SGCD: variants seen among roughly 807,000 people sequenced by gnomAD.
SGCD encodes the protein sarcoglycan delta, also known as delta-sarcoglycan.
In SGCD, 18 loss-of-function variants were observed where a neutral mutation model predicts 36.6. That is an observed-to-expected ratio of 0.49 (90% confidence interval 0.34 to 0.73). The LOEUF is 0.73. Ranked by LOEUF, SGCD falls within the 30% of genes least tolerant of loss-of-function variation. The probability of loss-of-function intolerance (pLI) is 0.01; values close to 1 mark genes in which losing one functional copy is unlikely to be tolerated. For synonymous variants in SGCD, 133 were observed against 130.6 expected, an observed-to-expected ratio of 1.02 and a Z score of -0.12; for missense variants, 387 against 346.7, an observed-to-expected ratio of 1.12 and a Z score of -0.92.
intron 3 of SGCD, among the ~76,000 whole-genome samples, chr5:156,413,206 A>G (rs1772861364): frequency 6.6e-6 from 1 of 152,218 alleles, no homozygotes; most frequent in South Asian, 2.1e-4. Flanking sequence ...AACTAAAACC[A>G]GCAGGTACTG....
intron 7 of SGCD, among the ~76,000 whole-genome samples, chr5:156,744,632 G>A (rs971205751): frequency 1.3e-5 from 2 of 152,176 alleles, no homozygotes; most frequent in African/African-American, 4.8e-5. Flanking sequence ...TCTCCCAAAT[G>A]TGTAAGGACA....
At chr5:156,589,051 G>A (rs183695624) in intron 4 of SGCD, among the ~76,000 whole-genome samples, 180 bp from the exon 5 acceptor site, 157 of 147,656 alleles carry the variant, frequency 1.1e-3, no homozygotes, top group African/African-American at 3.8e-3. Flanking sequence ...ATCTGTTTTA[G>A]ATAGATGCTA....
At chr5:156,531,764 G>T (rs1757899973) in intron 4 of SGCD, among the ~76,000 whole-genome samples, 1 of 151,892 alleles carries the variant, frequency 6.6e-6, no homozygotes, top group South Asian at 2.1e-4. Flanking sequence ...ATGTCCAGGA[G>T]AACCACTGAG....
chr5:156,598,737 A>G (rs556779742), intron 6 of SGCD, among the ~76,000 whole-genome samples: 1 of 152,330 alleles, frequency 6.6e-6, no homozygotes, highest in African/African-American at 2.4e-5. Context: ...GATAATTTTA[A>G]ACGTCCAGAC....
At chr5:155,823,496 C>T in the SGCD span, among the ~76,000 whole-genome samples, 3 of 152,128 alleles carry the variant, frequency 2.0e-5, no homozygotes, top group South Asian at 4.1e-4. Flanking sequence ...CCAGAAGTAA[C>T]ATTTAATCTG....
At chr5:156,435,471 G>A (rs1236772234) in intron 3 of SGCD, among the ~76,000 whole-genome samples, 1 of 151,464 alleles carries the variant, frequency 6.6e-6, no homozygotes, top group Non-Finnish European at 1.5e-5. Flanking sequence ...TGAAAAATCT[G>A]TATGATGGAC....
At chr5:155,758,134 T>G in the SGCD span, among the ~76,000 whole-genome samples, 1 of 152,126 alleles carries the variant, frequency 6.6e-6, no homozygotes, top group Non-Finnish European at 1.5e-5. Context: ...TCCTCTGGTG[T>G]TGTGAGTCAG....
rs1395521022 is a variant in SGCD at position 156,725,280 on chromosome 5, T to C, written c.576-32301T>C. The stretch of plus-strand genomic sequence containing the variant: ...CCATGCTTGATCAAGAAGCGTTGCA[T>C]ATCAGAAATGCTGTAGAGAGCCATT... On this transcript the variant is annotated intron_variant, in intron 7 of 8. Transcript: ENST00000337851. Among the ~76,000 whole-genome samples the C allele has an allele frequency of 2.0e-5, 3 of 152,196 alleles. No individual in the cohort carries two copies. In the South Asian group the frequency reaches 6.2e-4, roughly 32 times the overall value.
chr5:156,618,193 G>A (rs573580900), intron 6 of SGCD, among the ~76,000 whole-genome samples: 1 of 152,162 alleles, frequency 6.6e-6, no homozygotes, highest in African/African-American at 2.4e-5. Flanking sequence ...TGATGCCTGG[G>A]AAATGAGAGC....
At chr5:155,972,760 A>G (rs2127560154) in intron 1 of SGCD, among the ~76,000 whole-genome samples, 1 of 152,316 alleles carries the variant, frequency 6.6e-6, no homozygotes, top group Admixed American at 6.5e-5. Context: ...GTCCTAATTA[A>G]TCTGAAAGAC....
chr5:156,383,041 G>A (rs1382956120), intron 3 of SGCD, among the ~76,000 whole-genome samples: 1 of 152,164 alleles, frequency 6.6e-6, no homozygotes, highest in Non-Finnish European at 1.5e-5. Flanking sequence ...AGAGTAGATA[G>A]GCATTCATGA....
At chr5:155,960,415 T>C (rs1198362349) in intron 1 of SGCD, among the ~76,000 whole-genome samples, 1 of 152,038 alleles carries the variant, frequency 6.6e-6, no homozygotes, top group Non-Finnish European at 1.5e-5. Context: ...CCCAGGCCAG[T>C]CTTCTGTTTG....
intron 4 of SGCD, among the ~76,000 whole-genome samples, chr5:156,552,976 C>A (rs1758856607): frequency 6.6e-6 from 1 of 152,166 alleles, no homozygotes; most frequent in African/African-American, 2.4e-5. Flanking sequence ...GCTTCCTTGG[C>A]TCATGATTCT....
chr5:156,211,747 A>G (rs868720928), intron 3 of SGCD, among the ~76,000 whole-genome samples: 13 of 152,126 alleles, frequency 8.5e-5, no homozygotes, highest in Non-Finnish European at 1.3e-4. Context: ...TGGTATATAA[A>G]TTACTTATAT....
chr5:156,746,316 A>T (rs1437740189), intron 7 of SGCD, among the ~76,000 whole-genome samples: 1 of 152,254 alleles, frequency 6.6e-6, no homozygotes, highest in Non-Finnish European at 1.5e-5. Context: ...CAAATTAAAG[A>T]TCTATTCCAG....
chr5:155,766,291 C>T, the SGCD span, among the ~76,000 whole-genome samples: 70 of 152,226 alleles, frequency 4.6e-4, no homozygotes, highest in Admixed American at 3.4e-3. Flanking sequence ...GCTCACACAG[C>T]GGCTACCTAA....
At chr5:156,605,461 G>C (rs1041433430) in intron 6 of SGCD, among the ~76,000 whole-genome samples, 1 of 152,100 alleles carries the variant, frequency 6.6e-6, no homozygotes, top group Non-Finnish European at 1.5e-5. Flanking sequence ...TTGGACATTT[G>C]GCTTGGTTCC....
intron 3 of SGCD, among the ~76,000 whole-genome samples, chr5:156,169,061 A>G (rs1188874209): frequency 6.6e-6 from 1 of 152,236 alleles, no homozygotes; most frequent in African/African-American, 2.4e-5. Flanking sequence ...CCCAAGCATA[A>G]CAACAATGTA....
intron 1 of SGCD, among the ~76,000 whole-genome samples, chr5:156,036,624 T>C (rs928842882): frequency 3.3e-5 from 5 of 152,200 alleles, no homozygotes; most frequent in African/African-American, 1.2e-4. Context: ...CTTGGGTTAC[T>C]GTTATTTAAG....
Sources: gnomAD v4.1 joint callset for allele counts (sites outside exome capture counted in the v4.1 genomes callset) on GRCh38, gnomAD v4.1.1 for gene constraint, MANE v1.5 for transcripts, NCBI Gene and HGNC (gene_info 2026-07-23, HGNC 2026-07-21) for gene names.